The following C4orf50 variants were observed in gnomAD, a reference collection of about 807,000 sequenced individuals.
C4orf50 encodes chromosome 4 open reading frame 50.
C4orf50 carries 80 observed loss-of-function variants against 77.2 expected under a neutral mutation model. The observed-to-expected ratio is 1.04, with a 90% CI of 0.87 to 1.25. The LOEUF (loss-of-function observed/expected upper bound fraction) is 1.25. Ranked by LOEUF, C4orf50 falls within the 50% of genes most tolerant of loss-of-function variation. C4orf50 has a pLI of 0.00. For missense variants in C4orf50, 1,257 were observed against 1,152.9 expected, an observed-to-expected ratio of 1.09 and a Z score of -1.31; for synonymous variants, 532 against 465.3, an observed-to-expected ratio of 1.14 and a Z score of -1.84.
At chr4:5,988,594 G>C (rs1411802744) in exon 28 of C4orf50, 51 of 1,536,182 alleles carry the variant, frequency 3.3e-5, no homozygotes, top group Non-Finnish European at 4.2e-5. Flanking sequence ...CTCCTCCAAG[G>C]GTGGCCCACA....
chr4:5,972,094 T>C (rs1398071291), intron 31 of C4orf50, among the ~76,000 whole-genome samples: 2 of 150,092 alleles, frequency 1.3e-5, no homozygotes, highest in Admixed American at 1.3e-4. Context: ...AACCTCCACT[T>C]CCCGGGTTCA....
chr4:5,906,108 GGA>G, intron 7 of C4orf50, among the ~76,000 whole-genome samples: 1 of 152,112 alleles, frequency 6.6e-6, no homozygotes, highest in Non-Finnish European at 1.5e-5. Context: ...CAAAAGCCCT[GGA>G]GAGAGAGGGA....
At chr4:5,926,474 A>G (rs1272193023) in intron 7 of C4orf50, among the ~76,000 whole-genome samples, 1 of 152,196 alleles carries the variant, frequency 6.6e-6, no homozygotes, top group Non-Finnish European at 1.5e-5. Context: ...AAGGGCCTAA[A>G]GGGGACAGTG....
intron 7 of C4orf50, among the ~76,000 whole-genome samples, chr4:5,928,520 T>C (rs1204489633): frequency 6.6e-6 from 1 of 152,208 alleles, no homozygotes; most frequent in East Asian, 1.9e-4. Flanking sequence ...GAGGCAGATC[T>C]GTGTGCTGAC....
chr4:5,909,821 T>G (rs1369704201), intron 7 of C4orf50, among the ~76,000 whole-genome samples: 1 of 152,246 alleles, frequency 6.6e-6, no homozygotes, highest in Non-Finnish European at 1.5e-5. Flanking sequence ...GCTGTAGATA[T>G]GTGGATCTGT....
exon 28 of C4orf50, chr4:5,989,145 T>C (rs1721094831): frequency 7.2e-7 from 1 of 1,389,008 alleles, no homozygotes; most frequent in Admixed American, 2.1e-5. Context: ...TTGTCACCTC[T>C]CTCTCTCTCT....
At chr4:5,924,446 C>A (rs889393506) in intron 7 of C4orf50, among the ~76,000 whole-genome samples, 1 of 152,180 alleles carries the variant, frequency 6.6e-6, no homozygotes, top group African/African-American at 2.4e-5. Flanking sequence ...CAGCACATTC[C>A]CAGCCTGCCC....
exon 8 of C4orf50, chr4:5,898,169 G>C (rs1430309593): frequency 6.6e-6 from 1 of 152,194 alleles, no homozygotes; most frequent in Non-Finnish European, 1.5e-5. Flanking sequence ...GGAGTCCACA[G>C]AGGTTCTACC....
chr4:5,982,619 A>T (rs1013798530), intron 28 of C4orf50, among the ~76,000 whole-genome samples: 5 of 152,192 alleles, frequency 3.3e-5, no homozygotes, highest in African/African-American at 1.2e-4. Context: ...GGGGGACAGT[A>T]CCAATTTGTA....
At chr4:5,911,908 T>A (rs1716822510) in intron 7 of C4orf50, among the ~76,000 whole-genome samples, 1 of 152,068 alleles carries the variant, frequency 6.6e-6, no homozygotes, top group African/African-American at 2.4e-5. Flanking sequence ...TAGCTGGGGA[T>A]GGTGGTGCAT....
rs770531519 is a variant in C4orf50 at position 5,989,194 on chromosome 4, T to C, written c.2852A>G (p.Gln951Arg). The change falls in exon 28 of 34, where the codon CAA becomes CGA. Residue 951 changes from glutamine (Q) to arginine (R), a missense_variant. By Grantham distance (43) the Gln-to-Arg change is conservative (BLOSUM62 1). Transcript: ENST00000531445. Reference sequence around the variant, plus strand: ...GCACACTCTTTCATGGAACCTCTCTTGGTCTCCGTGAAGTTTGGTGTTGTC... The same window carrying C: ...GCACACTCTTTCATGGAACCTCTCTCGGTCTCCGTGAAGTTTGGTGTTGTC... The C allele has an allele frequency of 2.6e-6, 4 of 1,536,070 alleles. No homozygotes were observed. In the South Asian group the frequency reaches 4.8e-5, roughly 18 times the overall value.
At chr4:5,929,426 G>A (rs1717661272) in intron 7 of C4orf50, among the ~76,000 whole-genome samples, 1 of 146,076 alleles carries the variant, frequency 6.8e-6, no homozygotes, top group South Asian at 2.2e-4. Flanking sequence ...GCAAAAGCGA[G>A]CACATTCTTC....
At chr4:5,951,970 G>A (rs912124917) in intron 7 of C4orf50, among the ~76,000 whole-genome samples, 2 of 152,156 alleles carry the variant, frequency 1.3e-5, no homozygotes, top group African/African-American at 2.4e-5. Context: ...AAATAAAAGG[G>A]ATGATAATAT....
At chr4:5,954,624 G>C (rs1321226999), downstream of C4orf50, among the ~76,000 whole-genome samples, 1 of 152,126 alleles carries the variant, frequency 6.6e-6, no homozygotes. This position sits in a 1 kb window ranked among gnomAD's most constrained non-coding sequence, Gnocchi z 4.7. Context: ...GCTCTGGAGT[G>C]TGACGTGCCA....
chr4:6,004,615 GGTGATGGTGATGGTGACT>G (rs1560599683), intron 25 of C4orf50, among the ~76,000 whole-genome samples: 1 of 132,164 alleles, frequency 7.6e-6, no homozygotes, highest in Non-Finnish European at 1.6e-5. Context: ...ATGATGTGGT[GGTGATGGTGATGGTGACT>G]GTGATGGTGA....
chr4:5,950,657 C>A (rs949121085), intron 7 of C4orf50, among the ~76,000 whole-genome samples: 1 of 152,158 alleles, frequency 6.6e-6, no homozygotes, highest in African/African-American at 2.4e-5. Context: ...TGACTGATAA[C>A]ATCCAATAGA....
intron 32 of C4orf50, among the ~76,000 whole-genome samples, chr4:5,965,626 A>G (rs1271006659): frequency 6.6e-6 from 1 of 152,196 alleles, no homozygotes; most frequent in East Asian, 1.9e-4. Context: ...AATTAGTGAC[A>G]GAAGCAGACC....
chr4:5,929,205 T>C (rs17694230), intron 7 of C4orf50, among the ~76,000 whole-genome samples: 59,550 of 152,076 alleles, frequency 0.39, 12,054 homozygotes, highest in Non-Finnish European at 0.43. Context: ...CAATTGGTTA[T>C]ATCTGTGTCT....
intron 7 of C4orf50, chr4:5,903,087 G>C (rs978969694): frequency 6.6e-6 from 1 of 152,194 alleles, no homozygotes; most frequent in African/African-American, 2.4e-5. Flanking sequence ...GTGGAAACCA[G>C]GCAGCTTTTT....
Sources: gnomAD v4.1 joint callset for allele counts (sites outside exome capture counted in the v4.1 genomes callset) on GRCh38, gnomAD v4.1.1 for gene constraint, Gnocchi (gnomAD v3.1) non-coding constraint, MANE v1.5 for transcripts, NCBI Gene and HGNC (gene_info 2026-07-23, HGNC 2026-07-21) for gene names.